The following HSPBAP1 variants were observed in gnomAD, a reference collection of about 807,000 sequenced individuals.
The protein encoded by HSPBAP1 is HSPB1 associated protein 1.
In HSPBAP1, 27 loss-of-function variants were observed where a neutral mutation model predicts 45.2. The ratio of observed to expected loss-of-function variants is 0.60; its 90% confidence interval spans 0.44 to 0.82. The LOEUF (loss-of-function observed/expected upper bound fraction) is 0.82, where lower values mean the gene tolerates loss of function less well. Among genes scored for constraint, HSPBAP1 ranks in the 40% least tolerant of loss-of-function variants. The probability of loss-of-function intolerance (pLI) is 0.00; values close to 1 mark genes in which losing one functional copy is unlikely to be tolerated. For synonymous variants in HSPBAP1, 204 were observed against 202.7 expected, an observed-to-expected ratio of 1.01 and a Z score of -0.06; for missense variants, 510 against 590.9, an observed-to-expected ratio of 0.86 and a Z score of 1.42.
chr3:122,779,308 T>C (rs1212038902), intron 1 of HSPBAP1, among the ~76,000 whole-genome samples: 1 of 151,712 alleles, frequency 6.6e-6, no homozygotes, highest in African/African-American at 2.4e-5. Context: ...CCCGTAGTGC[T>C]GGGATTACAG....
At chr3:122,763,066 A>G (rs1233639273) in intron 3 of HSPBAP1, among the ~76,000 whole-genome samples, 1 of 152,224 alleles carries the variant, frequency 6.6e-6, no homozygotes, top group Non-Finnish European at 1.5e-5. Flanking sequence ...TGGGATTATT[A>G]TATCAGCTTG....
At chr3:122,771,834 A>G (rs1935010952) in intron 2 of HSPBAP1, among the ~76,000 whole-genome samples, 1 of 152,264 alleles carries the variant, frequency 6.6e-6, no homozygotes, top group African/African-American at 2.4e-5. Context: ...AGTATTCTAG[A>G]TAAATTCTAA....
intron 5 of HSPBAP1, 100 bp downstream of exon 5, chr3:122,755,160 T>C (rs779577776): frequency 1.1e-5 from 14 of 1,234,924 alleles, no homozygotes; most frequent in Non-Finnish European, 1.5e-5. Flanking sequence ...CCATTCTCAT[T>C]TGCACTGCGC....
intron 1 of HSPBAP1, among the ~76,000 whole-genome samples, chr3:122,779,723 T>A (rs1429982071): frequency 6.7e-6 from 1 of 150,056 alleles, no homozygotes; most frequent in African/African-American, 2.4e-5. Context: ...ACGAGCATGC[T>A]GCCTTCAAGC....
chr3:122,743,764 A>G (rs1449036108), intron 6 of HSPBAP1, among the ~76,000 whole-genome samples: 1 of 152,224 alleles, frequency 6.6e-6, no homozygotes, highest in East Asian at 1.9e-4. Context: ...TAATGTGACA[A>G]AACTTTTTTG....
intron 1 of HSPBAP1, among the ~76,000 whole-genome samples, chr3:122,790,064 T>C (rs1016428754): frequency 6.6e-6 from 1 of 152,284 alleles, no homozygotes; most frequent in Middle Eastern, 3.4e-3. Flanking sequence ...GGTTTCACTA[T>C]GTTGCCCAGG....
intron 2 of HSPBAP1, among the ~76,000 whole-genome samples, chr3:122,771,549 A>G (rs1361172408): frequency 6.6e-6 from 1 of 152,224 alleles, no homozygotes; most frequent in Non-Finnish European, 1.5e-5. Flanking sequence ...ATTTTGTTAA[A>G]CTTTCATCAT....
At chr3:122,793,484 T>G in intron 1 of HSPBAP1, 133 bp downstream of exon 1, 1 of 712,610 alleles carries the variant, frequency 1.4e-6, no homozygotes, top group Non-Finnish European at 2.4e-6. Flanking sequence ...AAAATATAGA[T>G]TTTTCTTCAT....
chr3:122,747,682 C>T (rs1171622930), intron 6 of HSPBAP1, among the ~76,000 whole-genome samples: 6 of 148,028 alleles, frequency 4.1e-5, no homozygotes, highest in African/African-American at 1.5e-4. Context: ...AGGTGAGGGG[C>T]GCCTCTGCCC....
At chr3:122,779,723 T>C (rs1429982071) in intron 1 of HSPBAP1, among the ~76,000 whole-genome samples, 1 of 150,056 alleles carries the variant, frequency 6.7e-6, no homozygotes, top group Non-Finnish European at 1.5e-5. Context: ...ACGAGCATGC[T>C]GCCTTCAAGC....
chr3:122,783,564 T>G (rs754722720), intron 1 of HSPBAP1, among the ~76,000 whole-genome samples: 1 of 152,196 alleles, frequency 6.6e-6, no homozygotes, highest in Non-Finnish European at 1.5e-5. Context: ...ACTTTTTACA[T>G]GTACATGGGA....
intron 6 of HSPBAP1, among the ~76,000 whole-genome samples, chr3:122,742,795 T>G (rs80207588): frequency 0.033 from 5,063 of 152,316 alleles, 114 homozygotes; most frequent in Middle Eastern, 0.088. Flanking sequence ...GTTTCCAGCC[T>G]GCCAGCCTGC....
chr3:122,747,387 C>T (rs1033345022), intron 6 of HSPBAP1, among the ~76,000 whole-genome samples: 3 of 151,236 alleles, frequency 2.0e-5, no homozygotes, highest in Non-Finnish European at 4.4e-5. Flanking sequence ...TGGCAACCGC[C>T]CCATCTGAGA....
intron 2 of HSPBAP1, among the ~76,000 whole-genome samples, chr3:122,769,837 G>T (rs1180059625): frequency 2.0e-5 from 3 of 152,162 alleles, no homozygotes; most frequent in African/African-American, 7.2e-5. Flanking sequence ...GTGCCACCAC[G>T]TCTGGCTAAT....
chr3:122,740,420 G>A lies in HSPBAP1; in HGVS notation c.1392C>T (p.Asp464=). The A allele has an allele frequency of 1.2e-6, 2 of 1,613,526 alleles. No homozygotes were observed. The highest frequency in any genetic ancestry group is 1.7e-6 in the Non-Finnish European group (2 of 1,179,776). ...GTGGATTCACCAAGCAGTCCAGCAA[G>A]TCATCCGTAGAAATGAATGTTTGAG... is the stretch of plus-strand genomic sequence containing the variant. ...TTPQTFISTD[D]LLDCLVNPQV... The change falls in exon 8 of 8, where the codon GAC becomes GAT. Residue 464 remains aspartate, a synonymous_variant. Coordinates refer to ENST00000306103, the MANE Select transcript of HSPBAP1 (RefSeq NM_024610.6).
intron 5 of HSPBAP1, chr3:122,753,314 G>T: frequency 2.1e-6 from 1 of 471,296 alleles, no homozygotes; most frequent in Non-Finnish European, 2.8e-6. Flanking sequence ...AAGATAGCAA[G>T]TAGGTCAGTC....
intron 6 of HSPBAP1, among the ~76,000 whole-genome samples, chr3:122,744,471 G>A (rs1490864552): frequency 6.6e-6 from 1 of 152,206 alleles, no homozygotes; most frequent in Non-Finnish European, 1.5e-5. Context: ...AATGATAAAA[G>A]CAACATATGA....
chr3:122,778,105 G>A (rs971356971), intron 1 of HSPBAP1, among the ~76,000 whole-genome samples, 199 bp from the exon 2 acceptor site: 7 of 151,668 alleles, frequency 4.6e-5, no homozygotes, highest in African/African-American at 1.7e-4. Context: ...AGATCCAGGG[G>A]TATATGTGCA....
chr3:122,779,301 G>T (rs931943083), intron 1 of HSPBAP1, among the ~76,000 whole-genome samples: 5 of 150,932 alleles, frequency 3.3e-5, no homozygotes, highest in African/African-American at 1.2e-4. Context: ...TCGACCTCCC[G>T]TAGTGCTGGG....
Sources: gnomAD v4.1 joint callset for allele counts (sites outside exome capture counted in the v4.1 genomes callset) on GRCh38, gnomAD v4.1.1 for gene constraint, MANE v1.5 for transcripts, NCBI Gene and HGNC (gene_info 2026-07-23, HGNC 2026-07-21) for gene names.